The following CREG1 variants were observed in gnomAD, a reference collection of about 807,000 sequenced individuals.
The protein encoded by CREG1 is protein CREG1.
Under a neutral mutation model 19.9 loss-of-function variants are expected in CREG1, and 20 were observed. The observed-to-expected ratio is 1.01, with a 90% CI of 0.71 to 1.46. The LOEUF (loss-of-function observed/expected upper bound fraction) is 1.46, where lower values mean the gene tolerates loss of function less well. Ranked by LOEUF, CREG1 falls within the 40% of genes most tolerant of loss-of-function variation. The pLI is 0.00. For synonymous variants in CREG1, 141 were observed against 143.3 expected (o/e 0.98, Z 0.12); for missense variants, 290 against 314.9 (o/e 0.92, Z 0.60).
chr1:167,546,246 A>G lies in CREG1; in HGVS notation c.514T>C (p.Phe172Leu). Residue 172 changes from phenylalanine (F) to leucine (L), a missense_variant, in exon 3 of 4, where the codon TTC becomes CTC. Transcript: ENST00000370509. ...GTTTTCATCTCAGGGTGTCGAATGA[A>G]TAACGAATGCTTTGCAATATCCATT... ...TEMDIAKHSL[F>L]IRHPEMKTWP... The G allele has an allele frequency of 6.2e-7, 1 of 1,610,892 alleles. No individual in the cohort carries two copies. The highest frequency in any genetic ancestry group is 8.5e-7 in the Non-Finnish European group (1 of 1,178,806).
chr1:167,545,192 G>A (rs966267240), intron 3 of CREG1, among the ~76,000 whole-genome samples: 2 of 152,126 alleles, frequency 1.3e-5, no homozygotes, highest in African/African-American at 4.8e-5. Flanking sequence ...AGGAGCACCT[G>A]AGTCTAAGCC....
chr1:167,549,510 G>A (rs534474478), intron 1 of CREG1, among the ~76,000 whole-genome samples: 30 of 151,784 alleles, frequency 2.0e-4, no homozygotes, highest in Non-Finnish European at 2.8e-4. Context: ...TCAGCCTCCC[G>A]AGTAGCTGGG....
intron 1 of CREG1, among the ~76,000 whole-genome samples, chr1:167,553,154 G>C (rs1656449573): frequency 6.6e-6 from 1 of 152,158 alleles, no homozygotes; most frequent in South Asian, 2.1e-4. Context: ...GCTGCTGGCA[G>C]AGAATTTACC....
rs941426934 is a variant in CREG1, at chr1:167,541,704, T to C, written c.*594A>G. 1 of 152,228 alleles carries C rather than the reference T, an allele frequency of 6.6e-6. No individual in the cohort carries two copies. The highest frequency in any genetic ancestry group is 1.9e-4 in the East Asian group (1 of 5,200). 9.4% of individuals were successfully genotyped at this position (152,228 alleles called of 1,614,324 possible). On this transcript the variant is annotated 3_prime_UTR_variant, in exon 4 of 4. Transcript: ENST00000370509. ...TTTTTCAAAAGTTCTTTATCAGAAA[T>C]AGTTTCACCCTATGTTGAATTAACA... is the stretch of plus-strand genomic sequence containing the variant.
At position 167,553,543 on chromosome 1, in the gene CREG1, C is replaced by T. The variant is rs1486546712; in HGVS notation, c.199G>A (p.Asp67Asn). The change falls in exon 1 of 4, where the codon GAC becomes AAC. Residue 67 changes from aspartate to asparagine, a missense_variant. Transcript: ENST00000370509. ...GAGATGGTGGCCAGAGCGCCCCAGT[C>T]GGAGACGTGCGTCACGAAGCGGGCC... ...RVARFVTHVS[D>N]WGALATISTL... is the part of the protein sequence containing the mutation. 2.7e-6 allele frequency: 4 copies of T among 1,474,244 alleles called. No homozygotes were observed. The highest frequency in any genetic ancestry group is 3.6e-6 in the Non-Finnish European group (4 of 1,119,782). 91.3% of individuals were successfully genotyped at this position (1,474,244 alleles called of 1,614,324 possible). A position where few individuals can be genotyped will look rare whatever the true frequency, so the allele number is the denominator to read the frequency against.
chr1:167,546,658 G>C (rs1656332185), intron 2 of CREG1, among the ~76,000 whole-genome samples: 1 of 152,060 alleles, frequency 6.6e-6, no homozygotes, highest in South Asian at 2.1e-4. Flanking sequence ...AAAAAAGAAT[G>C]TGTGACTCTA....
At position 167,553,429 on chromosome 1, in the gene CREG1, A is replaced by C; in HGVS notation, c.313T>G (p.Phe105Val). 1 of 1,473,524 alleles carries C rather than the reference A, an allele frequency of 6.8e-7. No individual in the cohort carries two copies. Among genetic ancestry groups the C allele is most frequent in the Non-Finnish European group, 8.9e-7 (1 of 1,119,268 alleles). 91.3% of individuals were successfully genotyped at this position (1,473,524 alleles called of 1,614,324 possible). A position where few individuals can be genotyped will look rare whatever the true frequency, so the allele number is the denominator to read the frequency against. The change falls in exon 1 of 4, where the codon TTC becomes GTC. Residue 105 changes from phenylalanine (F) to valine (V), a missense_variant. By Grantham distance (50) the Phe-to-Val change is conservative. Transcript: ENST00000370509. ...PPGAGSGVPY[F>V]YLSPLQLSVS... is the part of the protein sequence containing the mutation. Reference sequence around the variant, plus strand: ...GAGAGCTGCAGCGGGCTCAGGTAGAAATAGGGCACGCCGCTGCCCGCGCCC... The same window carrying C: ...GAGAGCTGCAGCGGGCTCAGGTAGACATAGGGCACGCCGCTGCCCGCGCCC...
chr1:167,542,969 C>T (rs778789803), intron 3 of CREG1, among the ~76,000 whole-genome samples: 21 of 152,104 alleles, frequency 1.4e-4, no homozygotes, highest in South Asian at 2.1e-4. Context: ...GCTTGTTGGG[C>T]GGGCGCGGTG....
At chr1:167,550,144 C>A (rs2102152266) in intron 1 of CREG1, among the ~76,000 whole-genome samples, 1 of 152,266 alleles carries the variant, frequency 6.6e-6, no homozygotes, top group African/African-American at 2.4e-5. Flanking sequence ...CGTACACCAC[C>A]ATACCCAGTT....
intron 3 of CREG1, among the ~76,000 whole-genome samples, chr1:167,543,738 C>G (rs1656268999): frequency 2.0e-5 from 3 of 152,242 alleles, no homozygotes; most frequent in Non-Finnish European, 4.4e-5. Flanking sequence ...CAGGCCCTGC[C>G]CATCCCTCGG....
intron 1 of CREG1, among the ~76,000 whole-genome samples, chr1:167,552,764 A>T (rs1276127147): frequency 6.6e-6 from 1 of 152,210 alleles, no homozygotes; most frequent in Non-Finnish European, 1.5e-5. Flanking sequence ...ATAGGAGCCC[A>T]GGCAGGGCGC....
In CREG1 at chr1:167,546,293, A is replaced by C; in HGVS notation, c.475-8T>G. The C allele has an allele frequency of 6.5e-7, 1 of 1,543,224 alleles. No individual in the cohort carries two copies. The highest frequency in any genetic ancestry group is 8.8e-7 in the Non-Finnish European group (1 of 1,133,504). On this transcript the variant is annotated splice_region_variant and splice_polypyrimidine_tract_variant and intron_variant, in intron 2 of 3. Transcript: ENST00000370509. ...CATTTCTGTTTCATTCACCTAAAGG[A>C]CATATATGAAATAAACATTCTTATG...
chr1:167,552,914 G>A (rs892997290), intron 1 of CREG1, among the ~76,000 whole-genome samples: 1 of 152,180 alleles, frequency 6.6e-6, no homozygotes, highest in East Asian at 1.9e-4. Flanking sequence ...GGGTGTGGTG[G>A]CACGCACCTG....
intron 2 of CREG1, among the ~76,000 whole-genome samples, chr1:167,547,688 A>G (rs1656353422): frequency 6.6e-6 from 1 of 152,170 alleles, no homozygotes; most frequent in African/African-American, 2.4e-5. Flanking sequence ...TGGGAGGTCG[A>G]GGTGGGTGGA....
In CREG1 at chr1:167,546,204, T is replaced by A; in HGVS notation, c.556A>T (p.Asn186Tyr). ...ATATTCAACTTAGCAAAGAACCAAT[T>A]ATGGCTGGAAGGCCAGGTTTTCATC... Reference protein sequence around the residue: ...PEMKTWPSSHNWFFAKLNITN... With the variant: ...PEMKTWPSSHYWFFAKLNITN... The change falls in exon 3 of 4, where the codon AAT becomes TAT. Residue 186 changes from asparagine to tyrosine, a missense_variant. By Grantham distance (143) the Asn-to-Tyr change is moderately radical. Coordinates refer to ENST00000370509, the MANE Select transcript of CREG1 (RefSeq NM_003851.3). 1 of 1,613,476 alleles carries A rather than the reference T, an allele frequency of 6.2e-7. No homozygotes were observed. The highest frequency in any genetic ancestry group is 8.5e-7 in the Non-Finnish European group (1 of 1,179,742).
Position 167,541,109 on chromosome 1 carries a change from T to G in CREG1, c.*1189A>C, listed in dbSNP as rs926188824. On this transcript the variant is annotated 3_prime_UTR_variant, in exon 4 of 4. Transcript: ENST00000370509. The stretch of plus-strand genomic sequence containing the variant: ...TTATTTTTCTTAAACAGAACCTGTT[T>G]GCTGGATCTCAGTTAAGTTCACTTT... 2 of 152,248 alleles carry G rather than the reference T, an allele frequency of 1.3e-5. No homozygotes were observed. The highest frequency in any genetic ancestry group is 4.8e-5 in the African/African-American group (2 of 41,460). 9.4% of individuals were successfully genotyped at this position (152,248 alleles called of 1,614,324 possible).
intron 2 of CREG1, among the ~76,000 whole-genome samples, chr1:167,547,497 T>C (rs146074600): frequency 1.3e-5 from 2 of 152,348 alleles, no homozygotes; most frequent in East Asian, 1.9e-4. Context: ...ATTTTTGTCA[T>C]ATCTTATTTA....
chr1:167,548,453 C>A (rs964998139), intron 1 of CREG1, among the ~76,000 whole-genome samples: 29 of 151,386 alleles, frequency 1.9e-4, no homozygotes, highest in African/African-American at 6.8e-4. Flanking sequence ...CTATAGGCTT[C>A]ACTGAAAGAT....
rs199570821 is a variant in CREG1, at chr1:167,546,224, T to G, written c.536A>C (p.Lys179Thr). The G allele has an allele frequency of 1.1e-5, 18 of 1,613,290 alleles. No homozygotes were observed. The East Asian group carries it at 4.0e-4, about 36-fold the overall frequency. The part of the protein sequence containing the change: ...HSLFIRHPEM[K>T]TWPSSHNWFF... ...CCAATTATGGCTGGAAGGCCAGGTT[T>G]TCATCTCAGGGTGTCGAATGAATAA... Residue 179 changes from lysine to threonine, a missense_variant, in exon 3 of 4, where the codon AAA (lysine) becomes ACA (threonine). Physicochemically the swap from Lys to Thr is moderately conservative, Grantham distance 78. Transcript: ENST00000370509.
Sources: allele counts gnomAD v4.1 joint callset (sites outside exome capture counted in the v4.1 genomes callset), GRCh38; gene constraint gnomAD v4.1.1; transcripts MANE v1.5; gene names NCBI Gene and HGNC (gene_info 2026-07-23, HGNC 2026-07-21).